POLE2: variants seen among roughly 807,000 people sequenced by gnomAD.
The protein encoded by POLE2 is DNA polymerase epsilon subunit 2.
POLE2 carries 56 observed loss-of-function variants against 79.4 expected under a neutral mutation model. The ratio of observed to expected loss-of-function variants is 0.71; its 90% confidence interval spans 0.57 to 0.88. POLE2 has a LOEUF of 0.88. POLE2 is among the 40% of genes least tolerant of loss of function. The probability of loss-of-function intolerance (pLI) is 0.00; values close to 1 mark genes in which losing one functional copy is unlikely to be tolerated. For synonymous variants in POLE2, 212 were observed against 214.0 expected, an observed-to-expected ratio of 0.99 and a Z score of 0.08; for missense variants, 598 against 638.9, an observed-to-expected ratio of 0.94 and a Z score of 0.69.
chr14:49,676,018 C>T (rs957973559), intron 3 of POLE2, among the ~76,000 whole-genome samples: 4 of 152,294 alleles, frequency 2.6e-5, no homozygotes, highest in African/African-American at 7.2e-5. Context: ...TCCCAAAGTG[C>T]TGGGATTACA....
rs55942202 is a variant in POLE2, at chr14:49,664,823, A to C, written c.634-149T>G. 1.3e-3 allele frequency: 834 copies of C among 623,880 alleles called. 18 individuals carry two copies. In the East Asian group the frequency reaches 0.023, roughly 17 times the overall value. 38.6% of individuals were successfully genotyped at this position (623,880 alleles called of 1,614,324 possible). A position where few individuals can be genotyped will look rare whatever the true frequency, so the allele number is the denominator to read the frequency against. ...ACCACAGCTTAGAAAGAGCTTAAAA[A>C]ATTTTAGTTTTAAATGTCCTCATGT... is the stretch of plus-strand genomic sequence containing the variant. On this transcript the variant is annotated intron_variant, in intron 8 of 18. Transcript: ENST00000216367.
chr14:49,673,232 C>T (rs1886021624), intron 5 of POLE2, among the ~76,000 whole-genome samples: 1 of 152,142 alleles, frequency 6.6e-6, no homozygotes, highest in African/African-American at 2.4e-5. Flanking sequence ...GAAGACTTCT[C>T]TCACACTCCA....
At chr14:49,682,529 C>T (rs915170479) in intron 2 of POLE2, among the ~76,000 whole-genome samples, 3 of 148,238 alleles carry the variant, frequency 2.0e-5, no homozygotes, top group East Asian at 2.1e-4. Flanking sequence ...CCCAGCTACT[C>T]GGGAGGCTGA....
chr14:49,665,331 A>C (rs572633181), intron 7 of POLE2, among the ~76,000 whole-genome samples, 168 bp from the exon 8 acceptor site: 1 of 152,210 alleles, frequency 6.6e-6, no homozygotes, highest in Non-Finnish European at 1.5e-5. Flanking sequence ...TGATAACCCC[A>C]GACTAATCAC....
intron 18 of POLE2, among the ~76,000 whole-genome samples, chr14:49,644,302 G>A (rs1488933823): frequency 6.6e-6 from 1 of 150,818 alleles, no homozygotes; most frequent in African/African-American, 2.4e-5. Context: ...CCTGAGGTCA[G>A]GAGTTCGAGA....
At chr14:49,674,297 G>GAA in intron 4 of POLE2, 53 bp downstream of exon 4, 1 of 1,442,066 alleles carries the variant, frequency 6.9e-7, no homozygotes, top group Non-Finnish European at 9.7e-7. Context: ...TATACCTTCT[G>GAA]AAAAAAAAAG....
chr14:49,649,635 G>A (rs1226660089), intron 17 of POLE2, among the ~76,000 whole-genome samples: 3 of 151,530 alleles, frequency 2.0e-5, no homozygotes, highest in African/African-American at 7.3e-5. Context: ...ATTTTTAGTA[G>A]AGACGGGGTT....
chr14:49,677,547 G>A (rs146021133), intron 3 of POLE2: 5,488 of 479,822 alleles, frequency 0.011, 53 homozygotes, highest in Middle Eastern at 0.014. Flanking sequence ...CGGACTAGGC[G>A]ACCCAGCAGT....
At chr14:49,660,344 G>A (rs1338387355) in intron 10 of POLE2, among the ~76,000 whole-genome samples, 2 of 151,860 alleles carry the variant, frequency 1.3e-5, no homozygotes, top group Non-Finnish European at 2.9e-5. Context: ...ATGTATCCCC[G>A]TTGTTATGCA....
chr14:49,684,850 G>A (rs1028887549), intron 1 of POLE2, among the ~76,000 whole-genome samples: 4 of 151,952 alleles, frequency 2.6e-5, no homozygotes, highest in Non-Finnish European at 4.4e-5. Flanking sequence ...GGTGGCGGGC[G>A]CCGGTAGTCC....
intron 3 of POLE2, 83 bp downstream of exon 3, chr14:49,679,642 C>T (rs760983129): frequency 3.2e-5 from 23 of 715,376 alleles, no homozygotes; most frequent in Non-Finnish European, 5.0e-5. Flanking sequence ...ACGTTGATCA[C>T]TAATAATTTT....
At chr14:49,686,982 G>A (rs1334544153) in intron 1 of POLE2, among the ~76,000 whole-genome samples, 1 of 152,020 alleles carries the variant, frequency 6.6e-6, no homozygotes, top group Non-Finnish European at 1.5e-5. Context: ...ATTTCAATAT[G>A]TATAAAATAT....
At chr14:49,644,263 C>A (rs912460419) in intron 18 of POLE2, among the ~76,000 whole-genome samples, 3 of 151,054 alleles carry the variant, frequency 2.0e-5, no homozygotes, top group Non-Finnish European at 3.0e-5. Flanking sequence ...ATAATCCCAG[C>A]ACTTTGGGAG....
intron 10 of POLE2, among the ~76,000 whole-genome samples, chr14:49,660,276 A>G (rs1243170218): frequency 6.6e-6 from 1 of 152,216 alleles, no homozygotes; most frequent in Non-Finnish European, 1.5e-5. Context: ...CTAGGTTTGT[A>G]TAAGTACACT....
At chr14:49,681,995 C>G (rs1193998437) in intron 2 of POLE2, 1 of 151,428 alleles carries the variant, frequency 6.6e-6, no homozygotes, top group Non-Finnish European at 1.5e-5. Context: ...TTCTTGAAAT[C>G]CACTTATTCT....
chr14:49,662,868 C>T (rs1224433386), intron 10 of POLE2, among the ~76,000 whole-genome samples: 1 of 152,226 alleles, frequency 6.6e-6, no homozygotes, highest in East Asian at 1.9e-4. Context: ...AGCTCAGCTC[C>T]TCTAAGAGAA....
chr14:49,669,403 C>A, intron 6 of POLE2, 121 bp downstream of exon 6: 2 of 611,400 alleles, frequency 3.3e-6, no homozygotes, highest in Non-Finnish European at 5.8e-6. Flanking sequence ...TGCAGCCCAT[C>A]CAGTTAGCTA....
In POLE2 at chr14:49,651,249, A is replaced by G. The variant is rs751674171; in HGVS notation, c.1320+20T>C. The G allele has an allele frequency of 3.5e-6, 4 of 1,154,072 alleles. No individual in the cohort carries two copies. The highest frequency in any genetic ancestry group is 5.2e-6 in the Non-Finnish European group (4 of 768,916). 71.5% of individuals were successfully genotyped at this position (1,154,072 alleles called of 1,614,324 possible). A position where few individuals can be genotyped will look rare whatever the true frequency, so the allele number is the denominator to read the frequency against. ...AATGCAACATGTAAGGCAGTTTAAT[A>G]AAAAAGTTGTTTCACTTACGTGATT... is the stretch of plus-strand genomic sequence containing the variant. On this transcript the variant is annotated intron_variant, in intron 16 of 18. Transcript: ENST00000216367.
chr14:49,679,920 T>C (rs1212058830), intron 2 of POLE2, 120 bp from the exon 3 acceptor site: 10 of 610,512 alleles, frequency 1.6e-5, no homozygotes, highest in Non-Finnish European at 3.0e-5. Flanking sequence ...CATTATACAG[T>C]TTTTGGAGAA....
Sources: gnomAD v4.1 joint callset for allele counts (sites outside exome capture counted in the v4.1 genomes callset) on GRCh38, gnomAD v4.1.1 for gene constraint, MANE v1.5 for transcripts, NCBI Gene and HGNC (gene_info 2026-07-23, HGNC 2026-07-21) for gene names.